Variants in KCNIP4 observed in about 807,000 individuals in gnomAD.
The protein encoded by KCNIP4 is Kv channel-interacting protein 4.
A neutral mutation model predicts 34.0 loss-of-function variants in KCNIP4; 12 were observed. The ratio of observed to expected loss-of-function variants is 0.35; its 90% CI spans 0.23 to 0.57. KCNIP4 has a LOEUF of 0.57. Among genes scored for constraint, KCNIP4 ranks in the 20% least tolerant of loss-of-function variants. The probability of loss-of-function intolerance (pLI) is 0.83; values close to 1 mark genes in which losing one functional copy is unlikely to be tolerated. For synonymous variants in KCNIP4, 124 were observed against 102.2 expected (o/e 1.21, Z -1.29); for missense variants, 238 against 311.7 (o/e 0.76, Z 1.78).
intron 1 of KCNIP4, among the ~76,000 whole-genome samples, chr4:21,071,723 A>G (rs1744945667): frequency 6.6e-6 from 1 of 152,078 alleles, no homozygotes; most frequent in Non-Finnish European, 1.5e-5. Flanking sequence ...TACATGTGCC[A>G]TGTTGGTGTG....
chr4:21,411,320 G>A (rs141699179), intron 1 of KCNIP4, among the ~76,000 whole-genome samples: 2 of 152,266 alleles, frequency 1.3e-5, no homozygotes, highest in South Asian at 2.1e-4. Context: ...TTTAGATAGT[G>A]AGGGCCATTG....
At chr4:21,291,556 A>G (rs1368551153) in intron 1 of KCNIP4, among the ~76,000 whole-genome samples, 1 of 152,156 alleles carries the variant, frequency 6.6e-6, no homozygotes, top group South Asian at 2.1e-4. Context: ...ACCATTAAAA[A>G]TATCTGATGA....
intron 1 of KCNIP4, among the ~76,000 whole-genome samples, chr4:21,778,427 A>T (rs1719341947): frequency 6.6e-6 from 1 of 150,884 alleles, no homozygotes; most frequent in Non-Finnish European, 1.5e-5. Context: ...TAGAAATGGG[A>T]TCGCATCATG....
chr4:21,504,485 AAGAAAG>A, intron 1 of KCNIP4, among the ~76,000 whole-genome samples: 1 of 133,902 alleles, frequency 7.5e-6, no homozygotes, highest in African/African-American at 3.7e-5. Context: ...AAAAGAAAGA[AAGAAAG>A]AAAGAAAGAA....
intron 1 of KCNIP4, among the ~76,000 whole-genome samples, chr4:21,826,942 C>T (rs1722712084): frequency 6.6e-6 from 1 of 151,872 alleles, no homozygotes; most frequent in South Asian, 2.1e-4. Context: ...GCTGTTTCCA[C>T]AATAGAAGTT....
chr4:21,371,686 G>T (rs551534216), intron 1 of KCNIP4, among the ~76,000 whole-genome samples: 1 of 147,334 alleles, frequency 6.8e-6, no homozygotes, highest in East Asian at 2.0e-4. Flanking sequence ...TGGAGAGGAT[G>T]TAAGAGATTG....
intron 1 of KCNIP4, among the ~76,000 whole-genome samples, chr4:21,783,577 C>G (rs1719709377): frequency 6.6e-6 from 1 of 152,022 alleles, no homozygotes; most frequent in Non-Finnish European, 1.5e-5. Context: ...TAATCAAAAG[C>G]AAACCCAAAG....
intron 1 of KCNIP4, among the ~76,000 whole-genome samples, chr4:21,387,877 G>A (rs1300671773): frequency 6.6e-6 from 1 of 152,154 alleles, no homozygotes; most frequent in African/African-American, 2.4e-5. Flanking sequence ...TACTATGACA[G>A]GTGTGGTGCT....
intron 1 of KCNIP4, among the ~76,000 whole-genome samples, chr4:21,719,958 C>A (rs1165856870): frequency 6.9e-5 from 5 of 72,476 alleles, no homozygotes; most frequent in East Asian, 6.1e-4. Flanking sequence ...AGTGAAGCTC[C>A]ATCTCAAAAA....
Position 21,037,042 on chromosome 4 carries a change from AAATAC to A in KCNIP4, c.62-154338_62-154334del, listed in dbSNP as rs578260998. 1.4e-4 allele frequency among the ~76,000 whole-genome samples: 21 copies of A among 152,316 alleles called. No homozygotes were observed. In the East Asian group the frequency reaches 4.1e-3, roughly 29 times the overall value. On this transcript the variant is annotated intron_variant, in intron 1 of 8. Coordinates refer to ENST00000382152, the MANE Select transcript of KCNIP4 (RefSeq NM_025221.6). ...AAAATAAAGAAGTAAAATGAAAAAAAAATACAATAAGAATATGAAGAAAGGAAATA... is the reference window on the plus strand; with the variant it reads ...AAAATAAAGAAGTAAAATGAAAAAAAAATAAGAATATGAAGAAAGGAAATA...
At chr4:21,171,804 A>C (rs1754040856) in intron 1 of KCNIP4, among the ~76,000 whole-genome samples, 1 of 152,208 alleles carries the variant, frequency 6.6e-6, no homozygotes, top group East Asian at 1.9e-4. Context: ...ACATGGACTC[A>C]GCACTTGCTC....
chr4:20,885,897 G>A (rs1455233356), intron 1 of KCNIP4, among the ~76,000 whole-genome samples: 1 of 151,850 alleles, frequency 6.6e-6, no homozygotes, highest in Non-Finnish European at 1.5e-5. Flanking sequence ...CTCTTCATCT[G>A]GTTAATGCCT....
At position 21,519,578 on chromosome 4, in the gene KCNIP4, GTGTGTGTATGTATGTGTA is replaced by G. The variant is rs1165466712; in HGVS notation, c.61+428975_61+428992del. ...TGTGTATGTGTATATATACACATATGTGTGTGTATGTATGTGTATATATACACATATGTGTGTGTATGT... is the reference window on the plus strand; with the variant it reads ...TGTGTATGTGTATATATACACATATGTATATACACATATGTGTGTGTATGT... On this transcript the variant is annotated intron_variant, in intron 1 of 8. Coordinates refer to ENST00000382152, the MANE Select transcript of KCNIP4 (RefSeq NM_025221.6). Among the ~76,000 whole-genome samples the G allele has an allele frequency of 3.0e-4, 7 of 23,044 alleles. 3 individuals carry two copies. The East Asian group carries it at 0.022, about 73-fold the overall frequency. The allele number at this position is 23,044 out of a possible 152,430, so 15.1% of individuals were successfully genotyped here.
intron 1 of KCNIP4, among the ~76,000 whole-genome samples, chr4:21,183,184 T>C (rs959475667): frequency 1.3e-5 from 2 of 152,164 alleles, no homozygotes; most frequent in African/African-American, 4.8e-5. Flanking sequence ...AATGACAGAA[T>C]TTCCCTCTTT....
intron 1 of KCNIP4, among the ~76,000 whole-genome samples, chr4:21,288,037 TA>T (rs1171693547): frequency 1.3e-5 from 2 of 152,306 alleles, no homozygotes; most frequent in African/African-American, 4.8e-5. Context: ...CTTTCCACCT[TA>T]AAAATATGCT....
chr4:21,014,449 T>C (rs929759167), intron 1 of KCNIP4, among the ~76,000 whole-genome samples: 6 of 152,218 alleles, frequency 3.9e-5, no homozygotes, highest in Non-Finnish European at 8.8e-5. Context: ...TGTACCCCTA[T>C]GCCTGAATCA....
intron 1 of KCNIP4, among the ~76,000 whole-genome samples, chr4:21,722,671 G>A (rs1254488727): frequency 6.6e-6 from 1 of 152,116 alleles, no homozygotes; most frequent in Non-Finnish European, 1.5e-5. Flanking sequence ...AATTTGGCAA[G>A]ATCATATGGT....
chr4:21,253,252 G>T (rs1458169098), intron 1 of KCNIP4, among the ~76,000 whole-genome samples: 1 of 152,166 alleles, frequency 6.6e-6, no homozygotes, highest in Non-Finnish European at 1.5e-5. Flanking sequence ...ACTGTGAGGG[G>T]TCTCTGAGGC....
At chr4:21,267,531 C>T (rs1461698276) in intron 1 of KCNIP4, among the ~76,000 whole-genome samples, 1 of 150,282 alleles carries the variant, frequency 6.7e-6, no homozygotes, top group Non-Finnish European at 1.5e-5. Context: ...CCATCAATAC[C>T]TAATTTATTG....
Sources: gnomAD v4.1 joint callset for allele counts (sites outside exome capture counted in the v4.1 genomes callset) on GRCh38, gnomAD v4.1.1 for gene constraint, MANE v1.5 for transcripts, NCBI Gene and HGNC (gene_info 2026-07-23, HGNC 2026-07-21) for gene names.